Variants in SYN3 observed in about 807,000 individuals in gnomAD.
The protein encoded by SYN3 is synapsin III, also known as synapsin-3.
A neutral mutation model predicts 65.8 loss-of-function variants in SYN3; 35 were observed. The observed-to-expected ratio is 0.53, with a 90% confidence interval of 0.41 to 0.70. The LOEUF is 0.70. SYN3 is among the 30% of genes least tolerant of loss of function. The pLI is 0.00. For synonymous variants in SYN3, 270 were observed against 292.9 expected, an observed-to-expected ratio of 0.92 and a Z score of 0.80; for missense variants, 680 against 749.0, an observed-to-expected ratio of 0.91 and a Z score of 1.08.
chr22:32,522,898 G>C (rs145821020), intron 12 of SYN3, among the ~76,000 whole-genome samples: 132 of 152,136 alleles, frequency 8.7e-4, no homozygotes, highest in Non-Finnish European at 1.3e-3. Flanking sequence ...AAACACACTA[G>C]ATCTGCCTGA....
intron 7 of SYN3, among the ~76,000 whole-genome samples, chr22:32,543,052 G>C (rs531097683): frequency 5.5e-4 from 84 of 152,100 alleles, no homozygotes; most frequent in African/African-American, 1.9e-3. Flanking sequence ...GGTTGGTCTC[G>C]GCCACACCCC....
intron 12 of SYN3, among the ~76,000 whole-genome samples, chr22:32,520,334 G>T (rs954199861): frequency 5.3e-5 from 8 of 150,624 alleles, no homozygotes; most frequent in Admixed American, 5.3e-4. Context: ...ATGGGGTGTC[G>T]CTGTGTTGCC....
intron 6 of SYN3, among the ~76,000 whole-genome samples, chr22:32,644,507 C>T (rs895030990): frequency 1.3e-4 from 20 of 152,118 alleles, no homozygotes; most frequent in East Asian, 5.8e-4. Context: ...CCTGGCTCCA[C>T]GCAACCCTCC....
At position 32,802,995 on chromosome 22, in the gene SYN3, T is replaced by C. The variant is rs114261113; in HGVS notation, c.711+61920A>G. Reference sequence around the variant, plus strand: ...TGTAAAGAGACCTCCTACTCCTTAGTGTGTATGGAGGGCCCCGAGAGCATC... The same window carrying C: ...TGTAAAGAGACCTCCTACTCCTTAGCGTGTATGGAGGGCCCCGAGAGCATC... On this transcript the variant is annotated intron_variant, in intron 6 of 13. Coordinates refer to ENST00000358763, the MANE Select transcript of SYN3 (RefSeq NM_003490.4). Among the ~76,000 whole-genome samples, 1,077 of 152,148 alleles carry C rather than the reference T, an allele frequency of 7.1e-3. 9 individuals are homozygous for C. Among genetic ancestry groups the C allele is most frequent in the African/African-American group, 0.022 (934 of 41,514 alleles).
At chr22:32,572,948 G>T (rs2058799572) in intron 7 of SYN3, among the ~76,000 whole-genome samples, 1 of 152,200 alleles carries the variant, frequency 6.6e-6, no homozygotes, top group Admixed American at 6.5e-5. Context: ...ACCAACCATG[G>T]ATAAGGGCTG....
In SYN3 at chr22:32,976,519, C is replaced by T. The variant is rs190530272; in HGVS notation, c.369+4126G>A. Among the ~76,000 whole-genome samples, 36 of 152,264 alleles carry T rather than the reference C, an allele frequency of 2.4e-4. No individual in the cohort carries two copies. In the East Asian group the frequency reaches 6.6e-3, roughly 28 times the overall value. ...ATTAATCCATTCATCAACCTCACTGCTTGGTCCCACAGAGGGGTGACTTGT... is the reference window on the plus strand; with the variant it reads ...ATTAATCCATTCATCAACCTCACTGTTTGGTCCCACAGAGGGGTGACTTGT... On this transcript the variant is annotated intron_variant, in intron 3 of 13. Coordinates refer to ENST00000358763, the MANE Select transcript of SYN3 (RefSeq NM_003490.4).
intron 6 of SYN3, among the ~76,000 whole-genome samples, chr22:32,828,523 T>A (rs130295): frequency 0.86 from 130,848 of 152,214 alleles, 56,285 homozygotes; most frequent in East Asian, 0.89. Context: ...CTCTTCTAGA[T>A]GAGCCTTCTA....
At chr22:32,597,638 T>A (rs776388714) in intron 6 of SYN3, among the ~76,000 whole-genome samples, 2 of 152,188 alleles carry the variant, frequency 1.3e-5, no homozygotes, top group Non-Finnish European at 2.9e-5. Flanking sequence ...GCACAAGCGT[T>A]TATCGACTGT....
intron 6 of SYN3, among the ~76,000 whole-genome samples, chr22:32,740,745 T>C (rs1275198168): frequency 6.6e-6 from 1 of 152,206 alleles, no homozygotes; most frequent in East Asian, 1.9e-4. Context: ...GAAGACCTTT[T>C]CTTGAATTAC....
At chr22:32,937,180 A>G (rs1461651598) in intron 3 of SYN3, among the ~76,000 whole-genome samples, 2 of 152,242 alleles carry the variant, frequency 1.3e-5, no homozygotes, top group Non-Finnish European at 2.9e-5. Flanking sequence ...GATGATGGGA[A>G]GAGCAGAAAT....
intron 6 of SYN3, among the ~76,000 whole-genome samples, chr22:32,788,173 G>A (rs2046238821): frequency 6.6e-6 from 1 of 152,002 alleles, no homozygotes; most frequent in Non-Finnish European, 1.5e-5. Context: ...TCCACATCGG[G>A]ATTCAACCAA....
intron 6 of SYN3, among the ~76,000 whole-genome samples, chr22:32,689,807 G>T (rs2060638724): frequency 6.6e-6 from 1 of 152,138 alleles, no homozygotes; most frequent in African/African-American, 2.4e-5. Flanking sequence ...GATGGTGTTA[G>T]GAGATGGGGC....
intron 6 of SYN3, among the ~76,000 whole-genome samples, chr22:32,745,669 G>C (rs1178241135): frequency 6.6e-6 from 1 of 152,196 alleles, no homozygotes; most frequent in Admixed American, 6.5e-5. Context: ...CCTGGGAGGG[G>C]AAGGGGAAGA....
At chr22:32,661,447 T>C (rs2060215289) in intron 6 of SYN3, among the ~76,000 whole-genome samples, 2 of 152,288 alleles carry the variant, frequency 1.3e-5, no homozygotes, top group Non-Finnish European at 2.9e-5. Flanking sequence ...AGCACATCAA[T>C]GGGGGAATTG....
chr22:32,569,897 G>T (rs976104984), intron 7 of SYN3, among the ~76,000 whole-genome samples: 1 of 152,168 alleles, frequency 6.6e-6, no homozygotes, highest in African/African-American at 2.4e-5. Context: ...GTCATTAACC[G>T]TAAGCACCTT....
intron 1 of SYN3, among the ~76,000 whole-genome samples, chr22:33,019,536 T>C (rs141425200): frequency 2.0e-5 from 3 of 152,364 alleles, no homozygotes; most frequent in African/African-American, 2.4e-5. Context: ...CAAATTGATA[T>C]GAACACTGAA....
intron 6 of SYN3, among the ~76,000 whole-genome samples, chr22:32,851,565 C>G (rs1230981376): frequency 6.6e-6 from 1 of 152,184 alleles, no homozygotes; most frequent in Non-Finnish European, 1.5e-5. Flanking sequence ...CCATCCTTCG[C>G]CTGAGCTCAT....
intron 2 of SYN3, among the ~76,000 whole-genome samples, chr22:33,000,866 G>A (rs1409561009): frequency 6.6e-6 from 1 of 152,188 alleles, no homozygotes; most frequent in East Asian, 1.9e-4. Context: ...GGCATTGTGG[G>A]GCTGCCCTGC....
rs546610350 is a variant in SYN3, at chr22:32,887,511, C to A, written c.462-18386G>T. Among the ~76,000 whole-genome samples the A allele has an allele frequency of 7.9e-5, 12 of 152,300 alleles. No individual in the cohort carries two copies. The South Asian group carries it at 2.1e-3, about 26-fold the overall frequency. On this transcript the variant is annotated intron_variant, in intron 4 of 13. Coordinates refer to ENST00000358763, the MANE Select transcript of SYN3 (RefSeq NM_003490.4). ...AGCGAGCTTGGAAGTGGTTCCATTG[C>A]CAGTTGAGCTTCCAGATAAGAACTG...
Sources: allele counts gnomAD v4.1 joint callset (sites outside exome capture counted in the v4.1 genomes callset), GRCh38; gene constraint gnomAD v4.1.1; transcripts MANE v1.5; gene names NCBI Gene and HGNC (gene_info 2026-07-23, HGNC 2026-07-21).